The following ZAR1L variants were observed in gnomAD, a reference collection of about 807,000 sequenced individuals.
ZAR1L encodes the protein protein ZAR1-like.
A neutral mutation model predicts 30.0 loss-of-function variants in ZAR1L; 16 were observed. The observed-to-expected ratio is 0.53, with a 90% CI of 0.36 to 0.81. The LOEUF (loss-of-function observed/expected upper bound fraction) is 0.81, where lower values mean the gene tolerates loss of function less well. ZAR1L is among the 30% of genes least tolerant of loss of function. The pLI, the probability that ZAR1L is intolerant of heterozygous loss-of-function variation, is 0.00. For missense variants in ZAR1L, 392 were observed against 417.2 expected, an observed-to-expected ratio of 0.94 and a Z score of 0.53; for synonymous variants, 197 against 166.8, an observed-to-expected ratio of 1.18 and a Z score of -1.40.
chr13:32,306,491 A>T (rs1344870621), intron 5 of ZAR1L, among the ~76,000 whole-genome samples: 2 of 152,234 alleles, frequency 1.3e-5, no homozygotes, highest in Admixed American at 6.5e-5. Flanking sequence ...AGATTTACGA[A>T]GGGGAAAGAG....
At position 32,311,999 on chromosome 13, in the gene ZAR1L, C is replaced by T; in HGVS notation, c.-74G>A. 16 of 1,427,494 alleles carry T rather than the reference C, an allele frequency of 1.1e-5. No individual in the cohort carries two copies. The South Asian group carries it at 2.3e-4, about 21-fold the overall frequency. 88.4% of individuals were successfully genotyped at this position (1,427,494 alleles called of 1,614,324 possible). ...GGGTCCTTATTTTGCCTTCCTCCTT[C>T]ATCCGCCCCTTCTTTCTCTTCATCA... is the stretch of plus-strand genomic sequence containing the variant. On this transcript the variant is annotated 5_prime_UTR_variant, in exon 3 of 6. The change abolishes an upstream ATG in the 5' untranslated region. Transcript: ENST00000533490.
rs1470212324 is a variant in ZAR1L, at chr13:32,311,499, T to C, written c.427A>G (p.Ile143Val). The change falls in exon 3 of 6, where the codon ATC becomes GTC. Residue 143 changes from isoleucine (I) to valine (V), a missense_variant. Transcript: ENST00000533490. ...TSPATGRRGL[I>V]RLRRDGDEAE... ...TCGTCCCCATCTCTCCGCAGGCGGATCAAGCCCCTGCGGCCGGTGGCGGGC... is the reference window on the plus strand; with the variant it reads ...TCGTCCCCATCTCTCCGCAGGCGGACCAAGCCCCTGCGGCCGGTGGCGGGC... 6.5e-7 allele frequency: 1 copy of C among 1,542,362 alleles called. No homozygotes were observed. Among genetic ancestry groups the C allele is most frequent in the Non-Finnish European group, 8.7e-7 (1 of 1,144,052 alleles).
intron 2 of ZAR1L, among the ~76,000 whole-genome samples, chr13:32,312,496 T>A (rs1454185583): frequency 6.6e-6 from 1 of 152,232 alleles, no homozygotes; most frequent in Non-Finnish European, 1.5e-5. Flanking sequence ...AGCCAAGTTA[T>A]GGAAACAATC....
Position 32,311,576 on chromosome 13 carries a change from G to T in ZAR1L, c.350C>A (p.Pro117His), listed in dbSNP as rs1394323714. The T allele has an allele frequency of 1.9e-6, 3 of 1,540,524 alleles. No homozygotes were observed. Among genetic ancestry groups the T allele is most frequent in the African/African-American group, 2.7e-5 (2 of 72,810 alleles). ...CTCCTGGGGGTCTCTGCCGTCCCAGGGGGAGCAGCTGCTGAGGGTGCGAGG... is the reference window on the plus strand; with the variant it reads ...CTCCTGGGGGTCTCTGCCGTCCCAGTGGGAGCAGCTGCTGAGGGTGCGAGG... ...LGPRTLSSCS[P>H]WDGRDPQEPL... Residue 117 changes from proline to histidine, a missense_variant, in exon 3 of 6, where the codon CCC becomes CAC. Physicochemically the swap from Pro to His is moderately conservative, Grantham distance 77. Transcript: ENST00000533490.
intron 5 of ZAR1L, among the ~76,000 whole-genome samples, chr13:32,308,461 C>T (rs963464781): frequency 4.6e-5 from 7 of 152,200 alleles, no homozygotes; most frequent in Non-Finnish European, 1.0e-4. Context: ...AGAGGAAAAA[C>T]AAACACACCC....
At chr13:32,312,116 A>T in intron 2 of ZAR1L, 23 bp from the exon 3 acceptor site, 1 of 661,594 alleles carries the variant, frequency 1.5e-6, no homozygotes, top group Non-Finnish European at 2.4e-6. Flanking sequence ...GAGAAGCTCT[A>T]TCTACAGATG....
chr13:32,312,625 C>G (rs1342544484), intron 2 of ZAR1L, among the ~76,000 whole-genome samples: 2 of 152,114 alleles, frequency 1.3e-5, no homozygotes, highest in African/African-American at 4.8e-5. Context: ...CACCTGTAAT[C>G]CCAGCAGTTT....
intron 2 of ZAR1L, 26 bp from the exon 3 acceptor site, chr13:32,312,119 T>A: frequency 1.6e-6 from 1 of 635,894 alleles, no homozygotes; most frequent in Non-Finnish European, 2.6e-6. Context: ...AAGCTCTATC[T>A]ACAGATGTCT....
At chr13:32,313,177 T>C (rs1343170837) in intron 2 of ZAR1L, among the ~76,000 whole-genome samples, 1 of 152,194 alleles carries the variant, frequency 6.6e-6, no homozygotes, top group East Asian at 1.9e-4. Flanking sequence ...TTAACAATAC[T>C]GTATTTTATA....
chr13:32,304,749 C>T (rs1412536318), intron 5 of ZAR1L, among the ~76,000 whole-genome samples: 2 of 152,018 alleles, frequency 1.3e-5, no homozygotes, highest in East Asian at 1.9e-4. Flanking sequence ...TCCATCCCCC[C>T]AACCCTGCCA....
intron 1 of ZAR1L, among the ~76,000 whole-genome samples, chr13:32,314,758 A>C (rs2138693028): frequency 6.6e-6 from 1 of 152,132 alleles, no homozygotes; most frequent in African/African-American, 2.4e-5. Context: ...AGGCTGAGGC[A>C]GGAGAACCAC....
At chr13:32,306,183 T>C (rs556490829) in intron 5 of ZAR1L, among the ~76,000 whole-genome samples, 32 of 152,264 alleles carry the variant, frequency 2.1e-4, no homozygotes, top group African/African-American at 6.7e-4. Flanking sequence ...GATGGTTTAG[T>C]AGATAATATT....
chr13:32,308,900 C>T, intron 4 of ZAR1L, 140 bp from the exon 5 acceptor site: 1 of 611,618 alleles, frequency 1.6e-6, no homozygotes. Flanking sequence ...TTGCTTTTAC[C>T]AACCTCTACC....
intron 4 of ZAR1L, 138 bp from the exon 5 acceptor site, chr13:32,308,898 A>G: frequency 6.5e-6 from 4 of 612,270 alleles, no homozygotes; most frequent in Middle Eastern, 2.6e-4. Context: ...TCTTGCTTTT[A>G]CCAACCTCTA....
At chr13:32,314,216 TA>T (rs2072233602) in intron 2 of ZAR1L, 113 bp downstream of exon 2, 1 of 58,824 alleles carries the variant, frequency 1.7e-5, no homozygotes, top group Non-Finnish European at 3.9e-5. Flanking sequence ...CTTTGCGAAT[TA>T]GACTTAGAGC....
chr13:32,309,851 C>A (rs1002487914), intron 4 of ZAR1L, among the ~76,000 whole-genome samples: 2 of 152,252 alleles, frequency 1.3e-5, no homozygotes, highest in Admixed American at 6.5e-5. Context: ...TATTCACTCT[C>A]TAGGTCTCTA....
intron 4 of ZAR1L, among the ~76,000 whole-genome samples, chr13:32,310,054 G>A (rs938988506): frequency 6.6e-6 from 1 of 152,242 alleles, no homozygotes; most frequent in African/African-American, 2.4e-5. Context: ...CACAGGGCAA[G>A]GAAAAGAAGA....
intron 4 of ZAR1L, among the ~76,000 whole-genome samples, chr13:32,309,559 A>T (rs1393256959): frequency 6.6e-6 from 1 of 151,938 alleles, no homozygotes; most frequent in Non-Finnish European, 1.5e-5. Context: ...TCTTCCTCCT[A>T]TTTATTGTTT....
intron 3 of ZAR1L, 123 bp downstream of exon 3, chr13:32,311,149 C>T (rs1593875895): frequency 9.9e-6 from 12 of 1,208,562 alleles, no homozygotes; most frequent in South Asian, 1.6e-5. Context: ...TCAGAGCTCC[C>T]TCTCCTTCAC....
Sources: allele counts gnomAD v4.1 joint callset (sites outside exome capture counted in the v4.1 genomes callset), GRCh38; gene constraint gnomAD v4.1.1; transcripts MANE v1.5; gene names NCBI Gene and HGNC (gene_info 2026-07-23, HGNC 2026-07-21).